The following TTC3 variants were observed in gnomAD, a reference collection of about 807,000 sequenced individuals.
TTC3 encodes E3 ubiquitin-protein ligase TTC3.
A neutral mutation model predicts 249.6 loss-of-function variants in TTC3; 180 were observed. That is an observed-to-expected ratio of 0.72 (90% CI 0.64 to 0.82). The LOEUF (loss-of-function observed/expected upper bound fraction) is 0.82, where lower values mean the gene tolerates loss of function less well. Among genes scored for constraint, TTC3 ranks in the 40% least tolerant of loss-of-function variants. TTC3 has a pLI of 0.00. For missense variants in TTC3, 2,061 were observed against 2,398.4 expected, an observed-to-expected ratio of 0.86 and a Z score of 2.94; for synonymous variants, 717 against 805.0, an observed-to-expected ratio of 0.89 and a Z score of 1.85.
At chr21:37,179,538 A>G (rs1337717581) in intron 35 of TTC3, among the ~76,000 whole-genome samples, 1 of 152,224 alleles carries the variant, frequency 6.6e-6, no homozygotes, top group Non-Finnish European at 1.5e-5. Flanking sequence ...AAACCCGTCT[A>G]CTTCAAGCGC....
chr21:37,132,615 A>G (rs894012819), intron 16 of TTC3, 67 bp from the exon 17 acceptor site: 8 of 1,326,226 alleles, frequency 6.0e-6, no homozygotes, highest in Admixed American at 2.2e-5. Context: ...GCCTGGCCCT[A>G]TTTTTTCTTT....
chr21:37,129,508 T>A (rs1275083859), intron 16 of TTC3, among the ~76,000 whole-genome samples: 1 of 152,250 alleles, frequency 6.6e-6, no homozygotes, highest in East Asian at 1.9e-4. Context: ...GTATGCATAT[T>A]TCAGATGCCC....
intron 16 of TTC3, among the ~76,000 whole-genome samples, chr21:37,129,756 A>G (rs1481712785): frequency 6.6e-6 from 1 of 152,068 alleles, no homozygotes; most frequent in East Asian, 1.9e-4. Context: ...CTCAGCTCCC[A>G]AGTAGCCAGG....
intron 18 of TTC3, among the ~76,000 whole-genome samples, chr21:37,138,274 C>T (rs2078138251): frequency 1.3e-5 from 2 of 152,112 alleles, no homozygotes; most frequent in African/African-American, 4.8e-5. Context: ...CAGAGCCGAG[C>T]CCACAGTATC....
In TTC3 at chr21:37,159,435, A is replaced by G. The variant is rs2042585010; in HGVS notation, c.2993-264A>G. 22 of 408,270 alleles carry G rather than the reference A, an allele frequency of 5.4e-5. No homozygotes were observed. In the South Asian group the frequency reaches 8.3e-4, roughly 15 times the overall value. 25.3% of individuals were successfully genotyped at this position (408,270 alleles called of 1,614,324 possible). ...GGTAGGGACTGTCTTGTGCATCTCT[A>G]TTCCCAGGACTAGCATAGATGGTAC... On this transcript the variant is annotated intron_variant, in intron 28 of 45. Coordinates refer to ENST00000355666, the Ensembl canonical transcript of TTC3.
chr21:37,153,096 A>G (rs551795901), exon 27 of TTC3: 1 of 1,613,842 alleles, frequency 6.2e-7, no homozygotes, highest in South Asian at 1.1e-5. Context: ...TTTTGAGCAC[A>G]GAAGACTATA....
chr21:37,171,160 G>A (rs2081745615), intron 34 of TTC3, among the ~76,000 whole-genome samples: 1 of 152,166 alleles, frequency 6.6e-6, no homozygotes, highest in Admixed American at 6.5e-5. Context: ...CCTGTTTACT[G>A]TTGTTGAAGT....
intron 19 of TTC3, among the ~76,000 whole-genome samples, chr21:37,139,487 G>T (rs1241952580): frequency 6.6e-6 from 1 of 152,038 alleles, no homozygotes; most frequent in African/African-American, 2.4e-5. Context: ...ATATAATTTG[G>T]TCTCTATTTT....
chr21:37,121,815 A>T lies in TTC3; in HGVS notation c.901-2A>T, dbSNP rs752764999. ...AAAATTAAATTTATCTTTTTGGAAC[A>T]GGGTCATTATCGTTATTGTGATGCT... On this transcript the variant is annotated splice_acceptor_variant, in intron 11 of 45. Coordinates refer to ENST00000355666, the Ensembl canonical transcript of TTC3. LOFTEE classifies it high-confidence loss of function. The T allele has an allele frequency of 1.2e-5, 18 of 1,559,488 alleles. No homozygotes were observed. Among genetic ancestry groups the T allele is most frequent in the Non-Finnish European group, 1.2e-5 (14 of 1,158,356 alleles).
At chr21:37,097,134 TGAAA>T (rs1227461011) in intron 10 of TTC3, among the ~76,000 whole-genome samples, 2 of 152,180 alleles carry the variant, frequency 1.3e-5, no homozygotes, top group Non-Finnish European at 2.9e-5. Context: ...CCTTCATAAG[TGAAA>T]GAAAGCAAAT....
At chr21:37,095,526 C>A in intron 9 of TTC3, 82 bp downstream of exon 9, 2 of 949,988 alleles carry the variant, frequency 2.1e-6, no homozygotes, top group Non-Finnish European at 3.1e-6. Flanking sequence ...AAAAACAAGA[C>A]GGAGAATTGG....
chr21:37,178,174 A>G (rs1391766609), intron 35 of TTC3, among the ~76,000 whole-genome samples: 3 of 152,236 alleles, frequency 2.0e-5, no homozygotes, highest in Non-Finnish European at 2.9e-5. Flanking sequence ...TTACTGTGGA[A>G]TAATATTCTA....
chr21:37,154,527 A>T (rs1045225552), intron 27 of TTC3, among the ~76,000 whole-genome samples: 2 of 152,226 alleles, frequency 1.3e-5, no homozygotes, highest in African/African-American at 2.4e-5. Flanking sequence ...TTGCTTTAAC[A>T]TGCTTTAGGA....
intron 17 of TTC3, among the ~76,000 whole-genome samples, chr21:37,134,302 T>C (rs946527586): frequency 6.6e-6 from 1 of 151,944 alleles, no homozygotes; most frequent in African/African-American, 2.4e-5. Flanking sequence ...ATACAAAAAA[T>C]TAGCTGGGTG....
At chr21:37,169,590 C>T (rs1056926296) in intron 34 of TTC3, among the ~76,000 whole-genome samples, 2 of 151,612 alleles carry the variant, frequency 1.3e-5, no homozygotes. Context: ...GTGGCTCATG[C>T]CTGTAATCCC....
At chr21:37,073,395 C>T (rs1234306360) in intron 1 of TTC3, 1 of 986,448 alleles carries the variant, frequency 1.0e-6, no homozygotes, top group East Asian at 1.1e-4. Flanking sequence ...CTGCCGGGCT[C>T]CCGGATGTGT....
chr21:37,110,987 C>T (rs113582853), intron 11 of TTC3, among the ~76,000 whole-genome samples: 2 of 152,226 alleles, frequency 1.3e-5, no homozygotes, highest in South Asian at 2.1e-4. Context: ...TAAAATACTT[C>T]ACAGACAAGC....
intron 15 of TTC3, 78 bp from the exon 16 acceptor site, chr21:37,128,925 A>G: frequency 8.7e-7 from 1 of 1,143,428 alleles, no homozygotes; most frequent in South Asian, 1.8e-5. Flanking sequence ...TCCAATTTAT[A>G]TTTTAAAAAT....
intron 7 of TTC3, among the ~76,000 whole-genome samples, chr21:37,092,586 A>C (rs544971410): frequency 1.3e-5 from 2 of 152,216 alleles, no homozygotes; most frequent in Non-Finnish European, 2.9e-5. Flanking sequence ...TCTGCAGTAT[A>C]GTAAGTAGTA....
Sources: gnomAD v4.1 joint callset for allele counts (sites outside exome capture counted in the v4.1 genomes callset) on GRCh38, gnomAD v4.1.1 for gene constraint, MANE v1.5 for transcripts, NCBI Gene and HGNC (gene_info 2026-07-23, HGNC 2026-07-21) for gene names.